The following ASTL variants were observed in gnomAD, a reference collection of about 807,000 sequenced individuals.
The protein encoded by ASTL is astacin like metalloendopeptidase, also known as astacin-like metalloendopeptidase.
In ASTL, 27 loss-of-function variants were observed where a neutral mutation model predicts 36.7. The ratio of observed to expected loss-of-function variants is 0.73; its 90% CI spans 0.54 to 1.01. The LOEUF (loss-of-function observed/expected upper bound fraction) is 1.01, where lower values mean the gene tolerates loss of function less well. Ranked by LOEUF, ASTL falls within the 50% of genes least tolerant of loss-of-function variation. The pLI is 0.00. For synonymous variants in ASTL, 222 were observed against 228.1 expected (o/e 0.97, Z 0.24); for missense variants, 524 against 572.8 (o/e 0.91, Z 0.87).
At chr2:96,136,279 G>A (rs1479361424) in intron 2 of ASTL, among the ~76,000 whole-genome samples, 1 of 152,248 alleles carries the variant, frequency 6.6e-6, no homozygotes, top group African/African-American at 2.4e-5. Context: ...GTCACAGTAG[G>A]CCACCTTGGG....
At chr2:96,133,392 A>T (rs1183461052) in intron 5 of ASTL, 33 bp downstream of exon 5, 1 of 1,374,008 alleles carries the variant, frequency 7.3e-7, no homozygotes, top group Admixed American at 1.7e-5. Flanking sequence ...CGCAGAAGCG[A>T]GCTGAGATAC....
At chr2:96,131,044 T>C (rs1486698609) in intron 6 of ASTL, among the ~76,000 whole-genome samples, 3 of 152,216 alleles carry the variant, frequency 2.0e-5, no homozygotes, top group Non-Finnish European at 4.4e-5. Context: ...TTAACCTAAA[T>C]GGGAACAAAT....
chr2:96,133,625 C>T, intron 4 of ASTL, 83 bp from the exon 5 acceptor site: 1 of 989,470 alleles, frequency 1.0e-6, no homozygotes, highest in Admixed American at 1.8e-5. Flanking sequence ...GAGCTCTGAA[C>T]TCACTCTCCC....
At chr2:96,135,205 T>C in intron 3 of ASTL, 146 bp downstream of exon 3, 1 of 615,118 alleles carries the variant, frequency 1.6e-6, no homozygotes, top group South Asian at 2.0e-5. Context: ...AACAGAACAG[T>C]CGCTCTGACC....
chr2:96,131,335 GTTT>G (rs765438884), intron 6 of ASTL, among the ~76,000 whole-genome samples: 5 of 152,060 alleles, frequency 3.3e-5, no homozygotes, highest in Non-Finnish European at 7.4e-5. Context: ...CTGAAAGAAA[GTTT>G]TGTTGTTTTT....
At position 96,132,282 on chromosome 2, in the gene ASTL, A is replaced by G. The variant is rs1682195904; in HGVS notation, c.637+258T>C. ...AGGACAGTGTCAGGGATGAGAAGCG[A>G]GACAAAGCAGGTGGTGGCGCCCTAG... On this transcript the variant is annotated intron_variant, in intron 6 of 8. Transcript: ENST00000342380. This position sits in a 1 kb window ranked among gnomAD's most constrained non-coding sequence, Gnocchi z 5.4. 6.6e-6 allele frequency among the ~76,000 whole-genome samples: 1 copy of G among 152,164 alleles called. No homozygotes were observed. Among genetic ancestry groups the G allele is most frequent in the African/African-American group, 2.4e-5 (1 of 41,434 alleles).
At chr2:96,136,869 G>C (rs1220737445) in intron 2 of ASTL, among the ~76,000 whole-genome samples, 1 of 152,050 alleles carries the variant, frequency 6.6e-6, no homozygotes, top group African/African-American at 2.4e-5. Context: ...TTTGTTTTTT[G>C]TGAGATGCTC....
At position 96,123,735 on chromosome 2, in the gene ASTL, G is replaced by C; in HGVS notation, c.*115C>G. On this transcript the variant is annotated 3_prime_UTR_variant, in exon 9 of 9. Coordinates refer to ENST00000342380, the MANE Select transcript of ASTL (RefSeq NM_001002036.4). The stretch of plus-strand genomic sequence containing the variant: ...GGAAGAGTCCTGGCCCTCTGAGATG[G>C]GGTGGTAGGTTGGGGCTGGAAGACA... 1 of 787,944 alleles carries C rather than the reference G, an allele frequency of 1.3e-6. No homozygotes were observed. Among genetic ancestry groups the C allele is most frequent in the African/African-American group, 1.7e-5 (1 of 58,422 alleles). 48.8% of individuals were successfully genotyped at this position (787,944 alleles called of 1,614,324 possible).
At chr2:96,138,121 C>A (rs546787914) in intron 1 of ASTL, among the ~76,000 whole-genome samples, 11 of 152,168 alleles carry the variant, frequency 7.2e-5, no homozygotes, top group Non-Finnish European at 1.5e-4. Flanking sequence ...TGGGGACTTA[C>A]AGCCTACCCC....
At chr2:96,126,406 T>C (rs2104764454) in intron 8 of ASTL, among the ~76,000 whole-genome samples, 1 of 152,328 alleles carries the variant, frequency 6.6e-6, no homozygotes, top group Admixed American at 6.5e-5. Flanking sequence ...AAGATGTTCA[T>C]CATTAGTTAT....
intron 8 of ASTL, among the ~76,000 whole-genome samples, chr2:96,126,536 C>A (rs921634382): frequency 6.6e-6 from 1 of 152,170 alleles, no homozygotes; most frequent in Non-Finnish European, 1.5e-5. Flanking sequence ...CCCTCGTATA[C>A]CGCTGGTGGG....
intron 8 of ASTL, among the ~76,000 whole-genome samples, chr2:96,126,743 C>A (rs909171741): frequency 2.6e-5 from 4 of 151,846 alleles, no homozygotes; most frequent in African/African-American, 7.3e-5. Context: ...GTAGTCCCAG[C>A]TACTTGGGAG....
At position 96,124,002 on chromosome 2, in the gene ASTL, C is replaced by A. The variant is rs1364466448; in HGVS notation, c.1144G>T (p.Ala382Ser). 1.2e-6 allele frequency: 2 copies of A among 1,614,036 alleles called. No individual in the cohort carries two copies. The highest frequency in any genetic ancestry group is 1.7e-5 in the Admixed American group (1 of 60,018). Reference sequence around the variant, plus strand: ...CCGGCCAGCCAGGACTGCTCCTGAGCAACACCGGGGGCACCTGCTCCAGGC... The same window carrying A: ...CCGGCCAGCCAGGACTGCTCCTGAGAAACACCGGGGGCACCTGCTCCAGGC... ...SRPGAGAPGV[A>S]QEQSWLAGVS... The change falls in exon 9 of 9, where the codon GCT becomes TCT. Residue 382 changes from alanine to serine, a missense_variant. By Grantham distance (99) the Ala-to-Ser change is moderately conservative. Transcript: ENST00000342380. This position sits in a 1 kb window ranked among gnomAD's most constrained non-coding sequence, Gnocchi z 4.1.
chr2:96,136,834 A>G (rs1199331691), intron 2 of ASTL, among the ~76,000 whole-genome samples: 1 of 152,104 alleles, frequency 6.6e-6, no homozygotes, highest in Non-Finnish European at 1.5e-5. Context: ...CCCAGACAGC[A>G]AGGCCCTGAG....
At position 96,132,533 on chromosome 2, in the gene ASTL, G is replaced by C. The variant is rs1172543955; in HGVS notation, c.637+7C>G. 25 of 1,587,808 alleles carry C rather than the reference G, an allele frequency of 1.6e-5. No homozygotes were observed. Among genetic ancestry groups the C allele is most frequent in the Non-Finnish European group, 6.9e-6 (8 of 1,160,638 alleles). On this transcript the variant is annotated splice_region_variant and intron_variant, in intron 6 of 8. Coordinates refer to ENST00000342380, the MANE Select transcript of ASTL (RefSeq NM_001002036.4). This position sits in a 1 kb window ranked among gnomAD's most constrained non-coding sequence, Gnocchi z 5.4. The stretch of plus-strand genomic sequence containing the variant: ...CACCAGCCTGTCCTGCGTGTGGCCT[G>C]GCTCACCTGGCAGGATCTCGTTCCA...
intron 8 of ASTL, among the ~76,000 whole-genome samples, chr2:96,129,017 G>C (rs1398546663): frequency 6.6e-6 from 1 of 151,530 alleles, no homozygotes; most frequent in Non-Finnish European, 1.5e-5. Context: ...TCCAGCCTGG[G>C]TGACAGAGTG....
chr2:96,134,099 C>A, intron 3 of ASTL, 41 bp from the exon 4 acceptor site: 1 of 1,444,270 alleles, frequency 6.9e-7, no homozygotes, highest in South Asian at 1.1e-5. Flanking sequence ...GGACAGAGGC[C>A]ACCCAAGCTT....
At position 96,124,495 on chromosome 2, in the gene ASTL, C is replaced by T. The variant is rs1319328286; in HGVS notation, c.875-224G>A. 1.3e-5 allele frequency among the ~76,000 whole-genome samples: 2 copies of T among 152,140 alleles called. No individual in the cohort carries two copies. The highest frequency in any genetic ancestry group is 4.8e-5 in the African/African-American group (2 of 41,418). The stretch of plus-strand genomic sequence containing the variant: ...AAGTCACCATCAGAATGTCAGTCCA[C>T]TCAGGCTTCCACCACTGCCCCATTC... On this transcript the variant is annotated intron_variant, in intron 8 of 8. Coordinates refer to ENST00000342380, the MANE Select transcript of ASTL (RefSeq NM_001002036.4). The surrounding 1 kb of genome is among the most constrained non-coding windows in gnomAD (Gnocchi z 4.1).
chr2:96,124,693 C>T lies in ASTL; in HGVS notation c.875-422G>A, dbSNP rs1342973701. 2.0e-5 allele frequency among the ~76,000 whole-genome samples: 3 copies of T among 152,254 alleles called. No homozygotes were observed. Among genetic ancestry groups the T allele is most frequent in the South Asian group, 4.1e-4 (2 of 4,824 alleles). Reference sequence around the variant, plus strand: ...TAATGGCCACATCTAAACCCTGCACCGTGCCAGGAGGTAGGTTGGGGCTTC... The same window carrying T: ...TAATGGCCACATCTAAACCCTGCACTGTGCCAGGAGGTAGGTTGGGGCTTC... On this transcript the variant is annotated intron_variant, in intron 8 of 8. Coordinates refer to ENST00000342380, the MANE Select transcript of ASTL (RefSeq NM_001002036.4). The surrounding 1 kb of genome is among the most constrained non-coding windows in gnomAD (Gnocchi z 4.1).
Sources: allele counts gnomAD v4.1 joint callset (sites outside exome capture counted in the v4.1 genomes callset), GRCh38; gene constraint gnomAD v4.1.1; non-coding constraint Gnocchi (gnomAD v3.1); transcripts MANE v1.5; gene names NCBI Gene and HGNC (gene_info 2026-07-23, HGNC 2026-07-21).